The following NOL10 variants were observed in gnomAD, a reference collection of about 807,000 sequenced individuals.
The protein encoded by NOL10 is nucleolar protein 10, also known as H_NH0074G24.1.
A neutral mutation model predicts 103.5 loss-of-function variants in NOL10; 58 were observed. That is an observed-to-expected ratio of 0.56 (90% CI 0.45 to 0.70). The LOEUF (loss-of-function observed/expected upper bound fraction) is 0.70, where lower values mean the gene tolerates loss of function less well. Ranked by LOEUF, NOL10 falls within the 30% of genes least tolerant of loss-of-function variation. NOL10 has a pLI of 0.00. For missense variants in NOL10, 763 were observed against 807.3 expected, an observed-to-expected ratio of 0.95 and a Z score of 0.67; for synonymous variants, 287 against 282.5, an observed-to-expected ratio of 1.02 and a Z score of -0.16.
At chr2:10,646,870 G>A (rs1254218868) in intron 12 of NOL10, among the ~76,000 whole-genome samples, 2 of 152,176 alleles carry the variant, frequency 1.3e-5, no homozygotes, top group Non-Finnish European at 1.5e-5. Flanking sequence ...AAAAAAGTCA[G>A]TATGAATACC....
intron 4 of NOL10, among the ~76,000 whole-genome samples, chr2:10,675,383 C>A (rs1681234654): frequency 6.6e-6 from 1 of 151,750 alleles, no homozygotes; most frequent in South Asian, 2.1e-4. Context: ...ATAACCACAA[C>A]AAACTGAATT....
At chr2:10,580,804 A>C (rs1197705760) in intron 19 of NOL10, among the ~76,000 whole-genome samples, 1 of 152,124 alleles carries the variant, frequency 6.6e-6, no homozygotes, top group Non-Finnish European at 1.5e-5. Context: ...ATCCCGCTGC[A>C]TGGAAGGGGC....
chr2:10,609,109 CACTG>C (rs1192649236), intron 13 of NOL10, among the ~76,000 whole-genome samples: 4 of 152,006 alleles, frequency 2.6e-5, no homozygotes, highest in Non-Finnish European at 4.4e-5. Flanking sequence ...AAATTAAAGA[CACTG>C]ACCACAATCT....
At chr2:10,639,166 T>C (rs952494067) in intron 13 of NOL10, among the ~76,000 whole-genome samples, 2 of 150,826 alleles carry the variant, frequency 1.3e-5, no homozygotes, top group East Asian at 2.1e-4. Context: ...CTCACACCTG[T>C]AATCCCAGCA....
chr2:10,664,381 C>A (rs1437057660), intron 8 of NOL10, among the ~76,000 whole-genome samples: 1 of 151,844 alleles, frequency 6.6e-6, no homozygotes, highest in Non-Finnish European at 1.5e-5. Context: ...TGAGCCGAGT[C>A]CAGCCTGGGA....
rs137876036 is a variant in NOL10, at chr2:10,659,735, T to C, written c.678-485A>G. Among the ~76,000 whole-genome samples, 644 of 152,202 alleles carry C rather than the reference T, an allele frequency of 4.2e-3. 9 individuals carry two copies. Among genetic ancestry groups the C allele is most frequent in the African/African-American group, 0.014 (593 of 41,522 alleles). ...AGTAATTTTATTCAAACTTTCATAATCAAAGTTACACTTTATATACAAAAC... is the reference window on the plus strand; with the variant it reads ...AGTAATTTTATTCAAACTTTCATAACCAAAGTTACACTTTATATACAAAAC... On this transcript the variant is annotated intron_variant, in intron 9 of 20. Coordinates refer to ENST00000381685, the MANE Select transcript of NOL10 (RefSeq NM_024894.4).
At chr2:10,653,020 A>G (rs908685054) in intron 12 of NOL10, among the ~76,000 whole-genome samples, 4 of 152,096 alleles carry the variant, frequency 2.6e-5, no homozygotes, top group Admixed American at 2.6e-4. Flanking sequence ...ACATGGCGGA[A>G]CCCCGTTTCT....
intron 20 of NOL10, among the ~76,000 whole-genome samples, chr2:10,573,947 C>T (rs1455209290): frequency 6.6e-6 from 1 of 152,152 alleles, no homozygotes; most frequent in Non-Finnish European, 1.5e-5. Flanking sequence ...ACTCTCCATG[C>T]AGCAACCGGA....
intron 12 of NOL10, among the ~76,000 whole-genome samples, chr2:10,648,768 G>C (rs929596113): frequency 6.6e-6 from 1 of 150,494 alleles, no homozygotes. Flanking sequence ...AACATCACGA[G>C]AAAAAAAAAT....
chr2:10,657,773 G>A lies in NOL10; in HGVS notation c.875C>T (p.Ser292Phe). The A allele has an allele frequency of 1.3e-6, 2 of 1,551,108 alleles. No individual in the cohort carries two copies. The highest frequency in any genetic ancestry group is 1.7e-6 in the Non-Finnish European group (2 of 1,146,722). Residue 292 changes from serine (S) to phenylalanine (F), a missense_variant, in exon 11 of 21, where the codon TCT (serine) becomes TTT (phenylalanine). By Grantham distance (155) the Ser-to-Phe change is radical. Transcript: ENST00000381685. ...CTTATTCCACATCTTGACAATTCGA[G>A]AGTCAGCAGACAAAATCAGATCTAA... ...DSLDLILSAD[S>F]RIVKMWNKNS...
intron 19 of NOL10, among the ~76,000 whole-genome samples, chr2:10,580,225 C>T (rs1407913313): frequency 2.0e-5 from 3 of 152,178 alleles, no homozygotes; most frequent in East Asian, 3.8e-4. Context: ...TGTAGGAACA[C>T]CTGAAAATTC....
chr2:10,625,526 A>G (rs1677405402), intron 13 of NOL10, among the ~76,000 whole-genome samples: 1 of 152,222 alleles, frequency 6.6e-6, no homozygotes, highest in African/African-American at 2.4e-5. Flanking sequence ...CACTACTATC[A>G]TTTACATATT....
intron 11 of NOL10, among the ~76,000 whole-genome samples, chr2:10,655,312 A>AGG (rs1473422927): frequency 2.0e-5 from 3 of 152,040 alleles, no homozygotes; most frequent in Non-Finnish European, 4.4e-5. Context: ...AGGAAAGGAA[A>AGG]AAAGAAAAGA....
intron 17 of NOL10, among the ~76,000 whole-genome samples, chr2:10,594,742 A>G (rs11680664): frequency 0.34 from 52,217 of 151,894 alleles, 9,398 homozygotes; most frequent in Non-Finnish European, 0.4. Flanking sequence ...TGTAATCCCA[A>G]CACTTTGGGA....
At chr2:10,588,706 TG>T (rs1231451853) in intron 19 of NOL10, among the ~76,000 whole-genome samples, 1 of 152,202 alleles carries the variant, frequency 6.6e-6, no homozygotes, top group African/African-American at 2.4e-5. Flanking sequence ...AAGGAAAGTG[TG>T]TGGCTTCTGC....
At chr2:10,659,089 T>G in intron 10 of NOL10, 83 bp downstream of exon 10, 1 of 903,876 alleles carries the variant, frequency 1.1e-6, no homozygotes. Flanking sequence ...TCATTTTCTG[T>G]TCCTGCAGTG....
At chr2:10,663,157 A>C in intron 8 of NOL10, 113 bp from the exon 9 acceptor site, 1 of 728,828 alleles carries the variant, frequency 1.4e-6, no homozygotes, top group South Asian at 1.6e-5. Context: ...ACCTGAAGCC[A>C]GGAGTTTGAG....
intron 3 of NOL10, among the ~76,000 whole-genome samples, chr2:10,677,077 T>G (rs1681358317): frequency 6.6e-6 from 1 of 151,984 alleles, no homozygotes; most frequent in African/African-American, 2.4e-5. Context: ...TAGCTGGGAT[T>G]ACAGGTGCCT....
intron 2 of NOL10, among the ~76,000 whole-genome samples, chr2:10,684,007 G>A (rs569855689): frequency 3.3e-5 from 5 of 152,084 alleles, no homozygotes; most frequent in East Asian, 1.9e-4. Flanking sequence ...GGCCGGACGC[G>A]GTGGCTCACA....
Sources: gnomAD v4.1 joint callset for allele counts (sites outside exome capture counted in the v4.1 genomes callset) on GRCh38, gnomAD v4.1.1 for gene constraint, MANE v1.5 for transcripts, NCBI Gene and HGNC (gene_info 2026-07-23, HGNC 2026-07-21) for gene names.